The following CCDC141 variants were observed in gnomAD, a reference collection of about 807,000 sequenced individuals.
CCDC141 encodes coiled-coil domain containing 141, also known as coiled-coil domain-containing protein 141.
Under a neutral mutation model 181.0 loss-of-function variants are expected in CCDC141, and 168 were observed. That is an observed-to-expected ratio of 0.93 (90% CI 0.82 to 1.05). CCDC141 has a LOEUF of 1.05. Among genes scored for constraint, CCDC141 ranks in the 50% least tolerant of loss-of-function variants. The pLI is 0.00. For missense variants in CCDC141, 1,902 were observed against 1,788.5 expected (o/e 1.06, Z -1.14); for synonymous variants, 666 against 642.3 (o/e 1.04, Z -0.56).
chr2:178,946,442 C>T (rs75535393), intron 5 of CCDC141, among the ~76,000 whole-genome samples: 2,890 of 152,100 alleles, frequency 0.019, 72 homozygotes, highest in East Asian at 0.11. Flanking sequence ...AAGTGGATCA[C>T]GAATACAACT....
Position 178,837,358 on chromosome 2 carries a change from A to G in CCDC141, c.3861T>C (p.Phe1287=), listed in dbSNP as rs747263498. Residue 1287 remains phenylalanine (F), a synonymous_variant, in exon 23 of 24, where the codon TTT becomes TTC. Coordinates refer to ENST00000443758, the MANE Select transcript of CCDC141 (RefSeq NM_173648.4). ...CTTTGAACTGGAGGTAAGGCCTCTCAAAATGACTTGAAAATGTTTCTCTCT... is the reference window on the plus strand; with the variant it reads ...CTTTGAACTGGAGGTAAGGCCTCTCGAAATGACTTGAAAATGTTTCTCTCT... ...NDKRETFSSH[F]ERPYLQFKAE... The G allele has an allele frequency of 1.2e-6, 2 of 1,614,112 alleles. No homozygotes were observed. Among genetic ancestry groups the G allele is most frequent in the Admixed American group, 3.3e-5 (2 of 60,010 alleles).
chr2:178,933,350 G>C (rs1339130459), intron 6 of CCDC141, among the ~76,000 whole-genome samples: 1 of 152,160 alleles, frequency 6.6e-6, no homozygotes, highest in African/African-American at 2.4e-5. Flanking sequence ...TGGGCAAAAT[G>C]TCTAAGTTGG....
intron 23 of CCDC141, among the ~76,000 whole-genome samples, chr2:178,835,487 G>T (rs1201676453): frequency 1.3e-5 from 2 of 152,182 alleles, no homozygotes; most frequent in South Asian, 2.1e-4. Context: ...TATCACTCAG[G>T]GGTGATGACA....
chr2:178,903,454 T>C (rs1487877422), intron 8 of CCDC141, among the ~76,000 whole-genome samples: 1 of 151,940 alleles, frequency 6.6e-6, no homozygotes, highest in Non-Finnish European at 1.5e-5. Context: ...ATGTCCTTTG[T>C]AGGGACATGG....
intron 2 of CCDC141, among the ~76,000 whole-genome samples, chr2:178,981,636 G>GTATATATATATATGTATATA (rs1553495300): frequency 3.2e-5 from 2 of 62,396 alleles, no homozygotes; most frequent in East Asian, 1.3e-3. Flanking sequence ...GTGTGTGTGT[G>GTATATATATATATGTATATA]TATATATATA....
intron 6 of CCDC141, among the ~76,000 whole-genome samples, chr2:178,922,105 G>T (rs1053680877): frequency 6.6e-6 from 1 of 152,186 alleles, no homozygotes; most frequent in African/African-American, 2.4e-5. Flanking sequence ...TAGCCATTGC[G>T]TGCTCAGTCT....
downstream of CCDC141, chr2:178,825,182 T>C (rs1400274058): frequency 6.6e-6 from 1 of 152,192 alleles, no homozygotes; most frequent in Non-Finnish European, 1.5e-5. Context: ...AACTAAAATA[T>C]GACTTTATGA....
At chr2:179,011,956 G>A in intron 2 of CCDC141, among the ~76,000 whole-genome samples, 1 of 152,046 alleles carries the variant, frequency 6.6e-6, no homozygotes, top group Admixed American at 6.6e-5. Flanking sequence ...CAAAATCTCT[G>A]GGATACAGCA....
chr2:178,893,565 C>T (rs1262132702), intron 8 of CCDC141, among the ~76,000 whole-genome samples: 1 of 151,952 alleles, frequency 6.6e-6, no homozygotes, highest in African/African-American at 2.4e-5. Flanking sequence ...GGAAAAAAAT[C>T]TTCCTTATCT....
chr2:178,819,462 C>G, the CCDC141 span, among the ~76,000 whole-genome samples: 1 of 152,138 alleles, frequency 6.6e-6, no homozygotes, highest in South Asian at 2.1e-4. Context: ...AATTAAGAAA[C>G]AGTAAAATAG....
At position 178,831,668 on chromosome 2, in the gene CCDC141, A is replaced by C. The variant is rs1684254461; in HGVS notation, c.*2505T>G. ...ATTTGCTCAAGACAGAAATCCCAGC[A>C]AAAAGGAAAATCACACTTAACTTTT... On this transcript the variant is annotated 3_prime_UTR_variant, in exon 24 of 24. Coordinates refer to ENST00000443758, the MANE Select transcript of CCDC141 (RefSeq NM_173648.4). The C allele has an allele frequency of 6.6e-6, 1 of 152,238 alleles. No homozygotes were observed. The highest frequency in any genetic ancestry group is 2.4e-5 in the African/African-American group (1 of 41,468). 9.4% of individuals were successfully genotyped at this position (152,238 alleles called of 1,614,324 possible).
chr2:178,975,498 G>C (rs1319513503), intron 3 of CCDC141, among the ~76,000 whole-genome samples: 1 of 152,066 alleles, frequency 6.6e-6, no homozygotes, highest in Non-Finnish European at 1.5e-5. Flanking sequence ...TATGTATACA[G>C]TCACTTTCAA....
At chr2:179,000,055 TACACACACACACACACACAC>T (rs67309651) in intron 2 of CCDC141, among the ~76,000 whole-genome samples, 6 of 144,260 alleles carry the variant, frequency 4.2e-5, no homozygotes, top group Admixed American at 1.4e-4. Context: ...TTCATCACCA[TACACACACACACACACACAC>T]ACACACACAC....
At chr2:179,031,559 C>T (rs969361426) in intron 2 of CCDC141, among the ~76,000 whole-genome samples, 4 of 151,752 alleles carry the variant, frequency 2.6e-5, no homozygotes, top group Admixed American at 2.6e-4. Context: ...TTTCTAGTTC[C>T]TTAAGGGAAA....
At chr2:178,872,371 T>G (rs1686157931) in intron 12 of CCDC141, 59 bp from the exon 13 acceptor site, 1 of 1,433,546 alleles carries the variant, frequency 7.0e-7, no homozygotes, top group Non-Finnish European at 9.5e-7. Context: ...AGCTTTTTGT[T>G]GTATATAACT....
chr2:178,964,554 T>C (rs1400663411), intron 4 of CCDC141, among the ~76,000 whole-genome samples: 2 of 152,240 alleles, frequency 1.3e-5, no homozygotes, highest in East Asian at 1.9e-4. Context: ...CACAGCCTCC[T>C]GAGCCAGCAT....
chr2:178,994,861 C>T lies in CCDC141; in HGVS notation c.226-16186G>A, dbSNP rs116642329. Among the ~76,000 whole-genome samples, 356 of 152,290 alleles carry T rather than the reference C, an allele frequency of 2.3e-3. 2 individuals carry two copies. The highest frequency in any genetic ancestry group is 8.3e-3 in the African/African-American group (344 of 41,560). Reference sequence around the variant, plus strand: ...AATCTATAGGGCAGGGGCAAAATGTCAGCAGTCTCTTTGCTCAAACGTAAC... The same window carrying T: ...AATCTATAGGGCAGGGGCAAAATGTTAGCAGTCTCTTTGCTCAAACGTAAC... On this transcript the variant is annotated intron_variant, in intron 2 of 23. Coordinates refer to ENST00000443758, the MANE Select transcript of CCDC141 (RefSeq NM_173648.4).
rs1277979661 is a variant in CCDC141 at position 178,834,122 on chromosome 2, C to T, written c.*51G>A. ...GGAGGTGCAGGAAGATAAACGGCGG[C>T]ACTTTTCTTTAGGCACATGAGAATG... is the stretch of plus-strand genomic sequence containing the variant. On this transcript the variant is annotated 3_prime_UTR_variant, in exon 24 of 24. Coordinates refer to ENST00000443758, the MANE Select transcript of CCDC141 (RefSeq NM_173648.4). 6.6e-7 allele frequency: 1 copy of T among 1,516,184 alleles called. No individual in the cohort carries two copies. The highest frequency in any genetic ancestry group is 2.5e-5 in the East Asian group (1 of 40,556). The allele number at this position is 1,516,184 out of a possible 1,614,324, so 93.9% of individuals were successfully genotyped here.
intron 5 of CCDC141, among the ~76,000 whole-genome samples, chr2:178,959,787 G>C (rs1048214742): frequency 3.3e-5 from 5 of 152,176 alleles, no homozygotes; most frequent in Non-Finnish European, 7.3e-5. Flanking sequence ...GAGAATAAAT[G>C]ACTGGCATCT....
Sources: gnomAD v4.1 joint callset for allele counts (sites outside exome capture counted in the v4.1 genomes callset) on GRCh38, gnomAD v4.1.1 for gene constraint, MANE v1.5 for transcripts, NCBI Gene and HGNC (gene_info 2026-07-23, HGNC 2026-07-21) for gene names.